Variants in MAST4 observed in about 807,000 individuals in gnomAD.
The protein encoded by MAST4 is microtubule-associated serine/threonine-protein kinase 4.
A neutral mutation model predicts 162.7 loss-of-function variants in MAST4; 89 were observed. The observed-to-expected ratio is 0.55, with a 90% CI of 0.46 to 0.65. MAST4 has a LOEUF of 0.65. MAST4 is among the 30% of genes least tolerant of loss of function. MAST4 has a pLI of 0.00. For synonymous variants in MAST4, 1,479 were observed against 1,361.1 expected, an observed-to-expected ratio of 1.09 and a Z score of -1.91; for missense variants, 3,153 against 3,374.0, an observed-to-expected ratio of 0.93 and a Z score of 1.62.
At chr5:66,697,127 A>T (rs372068560) in intron 1 of MAST4, among the ~76,000 whole-genome samples, 1 of 152,188 alleles carries the variant, frequency 6.6e-6, no homozygotes, top group Admixed American at 6.5e-5. Flanking sequence ...TCAACTTCTC[A>T]CTTCAAGGAA....
chr5:66,762,512 T>C (rs1753899275), intron 2 of MAST4, among the ~76,000 whole-genome samples: 1 of 152,204 alleles, frequency 6.6e-6, no homozygotes, highest in Non-Finnish European at 1.5e-5. Flanking sequence ...ATCGACTGGC[T>C]TGCTACTTGG....
chr5:67,071,385 A>G (rs1760961375), intron 5 of MAST4, among the ~76,000 whole-genome samples: 1 of 152,026 alleles, frequency 6.6e-6, no homozygotes, highest in African/African-American at 2.4e-5. Context: ...AGGGAGGTAG[A>G]TAGATAAAAT....
At chr5:66,996,314 C>T (rs1354543519) in intron 4 of MAST4, among the ~76,000 whole-genome samples, 1 of 151,878 alleles carries the variant, frequency 6.6e-6, no homozygotes, top group East Asian at 1.9e-4. Flanking sequence ...TGTTGATTTC[C>T]ATCGTTTTTA....
At chr5:66,753,621 T>C (rs1339837447) in intron 1 of MAST4, among the ~76,000 whole-genome samples, 2 of 151,728 alleles carry the variant, frequency 1.3e-5, no homozygotes, top group South Asian at 2.1e-4. Flanking sequence ...AATCTCTGAA[T>C]AGACCAATAA....
intron 4 of MAST4, among the ~76,000 whole-genome samples, chr5:66,909,432 C>T (rs370038938): frequency 4.6e-5 from 7 of 152,048 alleles, no homozygotes; most frequent in African/African-American, 7.3e-5. Flanking sequence ...TAGAATAATG[C>T]GGTGTATTAT....
chr5:66,882,155 A>C (rs967350361), intron 3 of MAST4, among the ~76,000 whole-genome samples: 8 of 152,146 alleles, frequency 5.3e-5, no homozygotes, highest in Admixed American at 5.2e-4. Context: ...ATTACCTCAC[A>C]TACCTTTATC....
At chr5:66,990,230 G>A (rs1008352052) in intron 4 of MAST4, among the ~76,000 whole-genome samples, 1 of 152,154 alleles carries the variant, frequency 6.6e-6, no homozygotes, top group African/African-American at 2.4e-5. Context: ...CCTAGCAACA[G>A]TCCTATGAGG....
chr5:66,933,734 G>A (rs1213600656), intron 4 of MAST4, among the ~76,000 whole-genome samples: 1 of 152,158 alleles, frequency 6.6e-6, no homozygotes, highest in Non-Finnish European at 1.5e-5. Context: ...CCAAGTGGTA[G>A]TAGTTTGTCT....
At chr5:66,898,677 A>AT (rs1762831605) in intron 3 of MAST4, among the ~76,000 whole-genome samples, 1 of 152,210 alleles carries the variant, frequency 6.6e-6, no homozygotes, top group Non-Finnish European at 1.5e-5. Flanking sequence ...AGGTTTTGCT[A>AT]TTGGGTGAAA....
At chr5:67,063,933 G>A (rs746990427) in intron 5 of MAST4, among the ~76,000 whole-genome samples, 4 of 152,142 alleles carry the variant, frequency 2.6e-5, no homozygotes, top group Non-Finnish European at 4.4e-5. Context: ...TTCTCAAGAT[G>A]GAAGAAACGA....
At chr5:66,744,723 C>T (rs565403800) in intron 1 of MAST4, among the ~76,000 whole-genome samples, 138 of 152,294 alleles carry the variant, frequency 9.1e-4, no homozygotes, top group African/African-American at 3.2e-3. Flanking sequence ...ACCAGAACAG[C>T]ACCTAGTGAA....
intron 4 of MAST4, among the ~76,000 whole-genome samples, chr5:67,009,911 T>C (rs1294429101): frequency 6.6e-6 from 1 of 152,014 alleles, no homozygotes; most frequent in East Asian, 1.9e-4. Context: ...ATATGAAGGA[T>C]ATGACGTTGA....
chr5:67,092,405 A>G (rs1168937910), intron 6 of MAST4, among the ~76,000 whole-genome samples: 1 of 152,222 alleles, frequency 6.6e-6, no homozygotes, highest in Non-Finnish European at 1.5e-5. Context: ...TTTGAGAGTG[A>G]AATTATCGAA....
intron 4 of MAST4, among the ~76,000 whole-genome samples, chr5:67,051,017 C>A (rs116345804): frequency 6.6e-6 from 1 of 152,010 alleles, no homozygotes; most frequent in Admixed American, 6.5e-5. Context: ...TTCATTTTTG[C>A]GGTCATGTCC....
intron 26 of MAST4, among the ~76,000 whole-genome samples, chr5:67,154,488 T>G (rs911633098): frequency 6.6e-6 from 1 of 152,238 alleles, no homozygotes; most frequent in Non-Finnish European, 1.5e-5. Context: ...TTCTGTATTT[T>G]AAAACTTCTC....
chr5:66,681,699 G>C (rs1748338682), intron 1 of MAST4, among the ~76,000 whole-genome samples: 1 of 152,208 alleles, frequency 6.6e-6, no homozygotes, highest in African/African-American at 2.4e-5. Context: ...TGATGAGAGG[G>C]CATTGCAGGA....
At chr5:66,973,792 A>C (rs1191205017) in intron 4 of MAST4, among the ~76,000 whole-genome samples, 2 of 152,148 alleles carry the variant, frequency 1.3e-5, no homozygotes, top group East Asian at 3.9e-4. Context: ...CTTCATTTTT[A>C]GGAAGATTGA....
intron 14 of MAST4, among the ~76,000 whole-genome samples, chr5:67,129,568 C>T (rs1374557919): frequency 6.6e-6 from 1 of 151,456 alleles, no homozygotes; most frequent in Non-Finnish European, 1.5e-5. Context: ...AAAAAACAAG[C>T]AAAAAATTAG....
At chr5:66,836,246 A>T (rs1392501730) in intron 3 of MAST4, among the ~76,000 whole-genome samples, 1 of 152,196 alleles carries the variant, frequency 6.6e-6, no homozygotes, top group Non-Finnish European at 1.5e-5. Context: ...AAGTGAAAAA[A>T]AGAGCAGGCT....
Sources: allele counts gnomAD v4.1 joint callset (sites outside exome capture counted in the v4.1 genomes callset), GRCh38; gene constraint gnomAD v4.1.1; transcripts MANE v1.5; gene names NCBI Gene and HGNC (gene_info 2026-07-23, HGNC 2026-07-21).